Variants in WDR87 observed in about 807,000 individuals in gnomAD.
The protein encoded by WDR87 is WD repeat domain 87.
WDR87 carries 56 observed loss-of-function variants against 83.3 expected under a neutral mutation model. The ratio of observed to expected loss-of-function variants is 0.67; its 90% CI spans 0.54 to 0.84. WDR87 has a LOEUF of 0.84. Among genes scored for constraint, WDR87 ranks in the 40% least tolerant of loss-of-function variants. The pLI is 0.00. For missense variants in WDR87, 2,939 were observed against 3,431.9 expected, an observed-to-expected ratio of 0.86 and a Z score of 3.59; for synonymous variants, 1,173 against 1,250.6, an observed-to-expected ratio of 0.94 and a Z score of 1.31.
Position 37,887,146 on chromosome 19 carries a change from C to T in WDR87, c.6525G>A (p.Glu2175=), listed in dbSNP as rs1416597511. ...SEKRSELTKD[E]KKLARKQRKL... ...TTCTCTGCTTCCGAGCCAGTTTCTT[C>T]TCATCTTTAGTCAGTTCTGATCGTT... Residue 2175 remains glutamate, a synonymous_variant, in exon 6 of 6, where the codon GAG becomes GAA. Transcript: ENST00000447313. 2 of 1,551,044 alleles carry T rather than the reference C, an allele frequency of 1.3e-6. No homozygotes were observed. The highest frequency in any genetic ancestry group is 2.4e-5 in the South Asian group (2 of 83,934).
At chr19:37,906,603 A>C (rs2046331785), upstream of WDR87, 1 of 150,912 alleles carries the variant, frequency 6.6e-6, no homozygotes, top group Non-Finnish European at 1.5e-5. Flanking sequence ...TTGCGAGAGG[A>C]CTCCGCCCAC....
chr19:37,885,075 G>T lies in WDR87; in HGVS notation c.8596C>A (p.Leu2866Ile). 1 of 1,469,024 alleles carries T rather than the reference G, an allele frequency of 6.8e-7. No individual in the cohort carries two copies. Among genetic ancestry groups the T allele is most frequent in the South Asian group, 1.5e-5 (1 of 68,498 alleles). 91.0% of individuals were successfully genotyped at this position (1,469,024 alleles called of 1,614,324 possible). The change falls in exon 6 of 6, where the codon CTC becomes ATC. Residue 2866 changes from leucine to isoleucine, a missense_variant. Around this residue, in one of 3 missense-constraint regions of WDR87, gnomAD observed 2,160 missense variants for 2,533.1 expected, o/e 0.85. Transcript: ENST00000447313. ...GTGCGCACACAGTTCTGCCATGGGA[G>T]GGGTACCGCACCCTGGAACTCCTGA... ...SPQEFQGAVP[L>I]PWQNCVRTIL...
At chr19:37,898,429 C>T (rs1270667902) in intron 1 of WDR87, 144 bp from the exon 2 acceptor site, 4 of 1,092,180 alleles carry the variant, frequency 3.7e-6, no homozygotes, top group Non-Finnish European at 3.8e-6. Context: ...CTCATTTCAT[C>T]CACTCTACAG....
rs1435216578 is a variant in WDR87 at position 37,887,986 on chromosome 19, C to T, written c.5685G>A (p.Arg1895=). ...LAQEKEKLAQ[R]KENLLYNKER... is the part of the protein sequence containing the mutation. ...CTTTATTATAGAGTAGGTTCTCTTT[C>T]CTCTGAGCCAATTTTTCCTTCTCCT... Residue 1895 remains arginine, a synonymous_variant, in exon 6 of 6, where the codon AGG becomes AGA. Transcript: ENST00000447313. 36 of 1,550,400 alleles carry T rather than the reference C, an allele frequency of 2.3e-5. No individual in the cohort carries two copies. Among genetic ancestry groups the T allele is most frequent in the Non-Finnish European group, 3.1e-5 (35 of 1,146,820 alleles).
chr19:37,891,164 C>CT (rs2046201376), intron 5 of WDR87, among the ~76,000 whole-genome samples: 1 of 72,648 alleles, frequency 1.4e-5, no homozygotes, highest in South Asian at 7.1e-4. Context: ...CCTGGTATCT[C>CT]TCTTTTTTTT....
chr19:37,904,278 C>A (rs1253173852), intron 1 of WDR87, among the ~76,000 whole-genome samples: 7 of 151,910 alleles, frequency 4.6e-5, no homozygotes, highest in African/African-American at 1.7e-4. Context: ...AAAAAGTCAC[C>A]TTTTCACACC....
At chr19:37,904,571 G>GCTGGT (rs2046312068) in intron 1 of WDR87, among the ~76,000 whole-genome samples, 1 of 151,578 alleles carries the variant, frequency 6.6e-6, no homozygotes, top group Non-Finnish European at 1.5e-5. Context: ...TTTTGGCCAG[G>GCTGGT]CTGGTCTCAA....
rs2046238696 is a variant in WDR87, at chr19:37,894,701, G to A, written c.1002C>T (p.Asp334=). ...GEELYRLQFI[D]SITFFCQTAH... ...CAGTTTGGCAGAAGAAAGTAATGCT[G>A]TCAATAAACTGGAGCCGGTATAGCT... The change falls in exon 4 of 6, where the codon GAC becomes GAT. Residue 334 remains aspartate, a synonymous_variant. Coordinates refer to ENST00000447313, the MANE Select transcript of WDR87 (RefSeq NM_001291088.2). The A allele has an allele frequency of 6.4e-7, 1 of 1,551,746 alleles. No homozygotes were observed. The highest frequency in any genetic ancestry group is 1.7e-4 in the Middle Eastern group (1 of 5,992).
chr19:37,891,167 T>TC lies in WDR87; in HGVS notation c.3394+384_3394+385insG, dbSNP rs34649200. ...TCTCTCTTCCCACCTGGTATCTCTCTTTTTTTTTTTTTTTGAGATGGAGTT... is the reference window on the plus strand; with the variant it reads ...TCTCTCTTCCCACCTGGTATCTCTCTCTTTTTTTTTTTTTTGAGATGGAGTT... On this transcript the variant is annotated intron_variant, in intron 5 of 5. Coordinates refer to ENST00000447313, the MANE Select transcript of WDR87 (RefSeq NM_001291088.2). Among the ~76,000 whole-genome samples the TC allele has an allele frequency of 0.014, 88 of 6,518 alleles. No individual in the cohort carries two copies. The East Asian group carries it at 0.25, about 18-fold the overall frequency. The allele number at this position is 6,518 out of a possible 152,430, so 4.3% of individuals were successfully genotyped here. A position where few individuals can be genotyped will look rare whatever the true frequency, so the allele number is the denominator to read the frequency against.
intron 1 of WDR87, among the ~76,000 whole-genome samples, chr19:37,905,485 A>C (rs1188556517): frequency 6.6e-6 from 1 of 152,032 alleles, no homozygotes; most frequent in African/African-American, 2.4e-5. Context: ...TGATAAATAA[A>C]ATGAATTTTA....
Position 37,893,105 on chromosome 19 carries a change from G to A in WDR87, c.2598C>T (p.Ser866=), listed in dbSNP as rs1488205888. The A allele has an allele frequency of 1.3e-6, 2 of 1,551,636 alleles. No homozygotes were observed. The highest frequency in any genetic ancestry group is 2.4e-5 in the East Asian group (1 of 40,928). The change falls in exon 4 of 6, where the codon AGC becomes AGT. Residue 866 remains serine (S), a synonymous_variant. Coordinates refer to ENST00000447313, the MANE Select transcript of WDR87 (RefSeq NM_001291088.2). The part of the protein sequence containing the change: ...DRSQEFFFWH[S]RVRAISNTEY... ...CTGTATTACTTATAGCTCTTACCCT[G>A]CTGTGCCAGAAAAAGAATTCTTGAG...
chr19:37,886,866 T>G lies in WDR87; in HGVS notation c.6805A>C (p.Met2269Leu). 6.4e-7 allele frequency: 1 copy of G among 1,551,416 alleles called. No homozygotes were observed. Among genetic ancestry groups the G allele is most frequent in the Non-Finnish European group, 8.7e-7 (1 of 1,146,932 alleles). The stretch of plus-strand genomic sequence containing the variant: ...TCTAGTTCATCTAACAGGCTTTCCA[T>G]TTCTTCAGAAAAATGCTCTTCACTT... Reference protein sequence around the residue: ...VESEEHFSEEMESLLDELEKQ... With the variant: ...VESEEHFSEELESLLDELEKQ... Residue 2269 changes from methionine to leucine, a missense_variant, in exon 6 of 6, where the codon ATG becomes CTG. Met to Leu is a conservative substitution (Grantham distance 15). This residue lies in a region of WDR87 where 2,160 missense variants were observed against 2,533.1 expected (regional missense o/e 0.85). Coordinates refer to ENST00000447313, the MANE Select transcript of WDR87 (RefSeq NM_001291088.2).
chr19:37,890,473 C>T (rs944128901), intron 5 of WDR87, among the ~76,000 whole-genome samples, 197 bp from the exon 6 acceptor site: 3 of 151,788 alleles, frequency 2.0e-5, no homozygotes, highest in African/African-American at 7.3e-5. Context: ...AGAGCTAGGC[C>T]TTAGAGTCTT....
At chr19:37,898,042 ACT>A (rs2046269936) in intron 2 of WDR87, 121 bp downstream of exon 2, 2 of 1,092,640 alleles carry the variant, frequency 1.8e-6, no homozygotes, top group African/African-American at 3.2e-5. Flanking sequence ...TAAGGTGGTG[ACT>A]ATAGTATACC....
In WDR87 at chr19:37,891,552, T is replaced by C; in HGVS notation, c.3394A>G (p.Ser1132Gly). The C allele has an allele frequency of 6.4e-7, 1 of 1,552,138 alleles. No individual in the cohort carries two copies. The highest frequency in any genetic ancestry group is 8.7e-7 in the Non-Finnish European group (1 of 1,147,094). The change falls in exon 5 of 6, where the codon AGC becomes GGC. Residue 1132 changes from serine (S) to glycine (G), a missense_variant and splice_region_variant. This residue lies in a region of WDR87 where 2,160 missense variants were observed against 2,533.1 expected (regional missense o/e 0.85). Coordinates refer to ENST00000447313, the MANE Select transcript of WDR87 (RefSeq NM_001291088.2). Reference sequence around the variant, plus strand: ...ACAGACCAGATTACCCCTTACATACTATGCTTTTTGACCCCTGCTTGGCCT... The same window carrying C: ...ACAGACCAGATTACCCCTTACATACCATGCTTTTTGACCCCTGCTTGGCCT... ...RRGQAGVKKH[S>G]QKWLRGLKKT...
chr19:37,898,022 T>C (rs1336679076), intron 2 of WDR87, 143 bp downstream of exon 2: 3 of 850,684 alleles, frequency 3.5e-6, no homozygotes, highest in Non-Finnish European at 5.2e-6. Flanking sequence ...ATTGATGGCC[T>C]ACCTCCTGCT....
Position 37,886,434 on chromosome 19 carries a change from G to C in WDR87, c.7237C>G (p.Pro2413Ala). The C allele has an allele frequency of 1.3e-6, 2 of 1,530,388 alleles. No homozygotes were observed. Among genetic ancestry groups the C allele is most frequent in the Non-Finnish European group, 1.8e-6 (2 of 1,141,272 alleles). The allele number at this position is 1,530,388 out of a possible 1,614,324, so 94.8% of individuals were successfully genotyped here. A position where few individuals can be genotyped will look rare whatever the true frequency, so the allele number is the denominator to read the frequency against. ...CTTATAGCCCTGCCTTTGCCATGAGGAACTCCTCTTAAAATGGAAAGGACT... is the reference window on the plus strand; with the variant it reads ...CTTATAGCCCTGCCTTTGCCATGAGCAACTCCTCTTAAAATGGAAAGGACT... ...ERVLSILRGV[P>A]HGKGRAIRLG... Residue 2413 changes from proline to alanine, a missense_variant, in exon 6 of 6, where the codon CCT becomes GCT. Around this residue, in one of 3 missense-constraint regions of WDR87, gnomAD observed 2,160 missense variants for 2,533.1 expected, o/e 0.85. Transcript: ENST00000447313.
chr19:37,896,565 A>G (rs556906685), intron 2 of WDR87, among the ~76,000 whole-genome samples: 73 of 152,286 alleles, frequency 4.8e-4, no homozygotes, highest in African/African-American at 1.6e-3. Context: ...GAACACAGGG[A>G]AAAATGATGT....
intron 1 of WDR87, among the ~76,000 whole-genome samples, chr19:37,904,629 C>T (rs2046312534): frequency 7.9e-5 from 12 of 152,178 alleles, no homozygotes; most frequent in Admixed American, 7.9e-4. Context: ...GCTGGGATTA[C>T]AGGCGTGAGC....
Sources: allele counts gnomAD v4.1 joint callset (sites outside exome capture counted in the v4.1 genomes callset), GRCh38; gene constraint gnomAD v4.1.1; regional missense constraint gnomAD v4.1.1; transcripts MANE v1.5; gene names NCBI Gene and HGNC (gene_info 2026-07-23, HGNC 2026-07-21).